The following CLINT1 variants were observed in gnomAD, a reference collection of about 807,000 sequenced individuals.
The protein encoded by CLINT1 is clathrin interacting protein localized in the trans-Golgi region.
In CLINT1, 15 loss-of-function variants were observed where a neutral mutation model predicts 70.4. The ratio of observed to expected loss-of-function variants is 0.21; its 90% confidence interval spans 0.14 to 0.33. The LOEUF is 0.33. Among genes scored for constraint, CLINT1 ranks in the 10% least tolerant of loss-of-function variants. The pLI is 1.00. For missense variants in CLINT1, 615 were observed against 778.1 expected, an observed-to-expected ratio of 0.79 and a Z score of 2.49; for synonymous variants, 227 against 254.7, an observed-to-expected ratio of 0.89 and a Z score of 1.04.
At chr5:157,796,645 C>A (rs1762075348) in intron 8 of CLINT1, among the ~76,000 whole-genome samples, 1 of 152,182 alleles carries the variant, frequency 6.6e-6, no homozygotes, top group African/African-American at 2.4e-5. Flanking sequence ...ACATCTGGTG[C>A]CATTTCTGAA....
intron 6 of CLINT1, among the ~76,000 whole-genome samples, chr5:157,807,314 A>T (rs900239704): frequency 6.6e-6 from 1 of 152,162 alleles, no homozygotes; most frequent in African/African-American, 2.4e-5. Context: ...TAACTTCTCA[A>T]CAACAAATGA....
chr5:157,853,547 C>T (rs1224042370), intron 1 of CLINT1, among the ~76,000 whole-genome samples: 1 of 151,796 alleles, frequency 6.6e-6, no homozygotes, highest in Non-Finnish European at 1.5e-5. Context: ...GAGTCTGAGG[C>T]AGGTGGATCA....
Position 157,791,761 on chromosome 5 carries a change from T to C in CLINT1, c.1322A>G (p.Asn441Ser). Reference protein sequence around the residue: ...QATMTSSQSMNFSMMSTNTVG... With the variant: ...QATMTSSQSMSFSMMSTNTVG... ...AGTGTTAGTGCTCATCATAGAGAAATTCATACTCTGGGAAGATGTCATGGT... is the reference window on the plus strand; with the variant it reads ...AGTGTTAGTGCTCATCATAGAGAAACTCATACTCTGGGAAGATGTCATGGT... Residue 441 changes from asparagine (N) to serine (S), a missense_variant, in exon 10 of 12, where the codon AAT becomes AGT. By Grantham distance (46) the Asn-to-Ser change is conservative. This residue lies in a region of CLINT1 where 374 missense variants were observed against 409.6 expected (regional missense o/e 0.91). Transcript: ENST00000411809. 6.2e-7 allele frequency: 1 copy of C among 1,613,980 alleles called. No homozygotes were observed. The highest frequency in any genetic ancestry group is 8.5e-7 in the Non-Finnish European group (1 of 1,179,872).
At chr5:157,806,817 T>G (rs987829270) in intron 6 of CLINT1, among the ~76,000 whole-genome samples, 3 of 152,168 alleles carry the variant, frequency 2.0e-5, no homozygotes, top group Non-Finnish European at 2.9e-5. Context: ...CATTCAACAA[T>G]TTTTTCTTTC....
chr5:157,794,319 A>G lies in CLINT1; in HGVS notation c.1087+579T>C, dbSNP rs547350354. ...AAAAAAAAATAGGCCTTTCACCTCA[A>G]TCCTTGATGTTTAAGCCCATATTCT... is the stretch of plus-strand genomic sequence containing the variant. On this transcript the variant is annotated intron_variant, in intron 9 of 11. Transcript: ENST00000411809. 7.2e-5 allele frequency among the ~76,000 whole-genome samples: 11 copies of G among 152,202 alleles called. No individual in the cohort carries two copies. The East Asian group carries it at 1.2e-3, about 16-fold the overall frequency.
At chr5:157,788,968 G>GAAAAAAAAAAAAA (rs58634730) in intron 11 of CLINT1, among the ~76,000 whole-genome samples, 207 of 95,470 alleles carry the variant, frequency 2.2e-3, no homozygotes, top group Non-Finnish European at 3.1e-3. Context: ...CTCCATCTCA[G>GAAAAAAAAAAAAA]AAAAAAAAAA....
chr5:157,788,968 G>GAAAAAAAAAAAAAAAAAAAAAAA (rs58634730), intron 11 of CLINT1, among the ~76,000 whole-genome samples: 2 of 95,578 alleles, frequency 2.1e-5, no homozygotes, highest in African/African-American at 3.5e-5. Context: ...CTCCATCTCA[G>GAAAAAAAAAAAAAAAAAAAAAAA]AAAAAAAAAA....
At chr5:157,809,855 AAGG>A (rs1762502095) in intron 5 of CLINT1, 50 bp from the exon 6 acceptor site, 1 of 1,543,290 alleles carries the variant, frequency 6.5e-7, no homozygotes, top group South Asian at 1.2e-5. Flanking sequence ...TTAAATTCAA[AAGG>A]TATCTACAAG....
At chr5:157,824,374 TC>T (rs1272725655) in intron 1 of CLINT1, among the ~76,000 whole-genome samples, 5 of 152,186 alleles carry the variant, frequency 3.3e-5, no homozygotes, top group Admixed American at 6.5e-5. Flanking sequence ...AGCCTACTAT[TC>T]CTAAATTCAA....
At chr5:157,801,421 C>T (rs951708013) in intron 8 of CLINT1, among the ~76,000 whole-genome samples, 1 of 151,886 alleles carries the variant, frequency 6.6e-6, no homozygotes. Flanking sequence ...GCAGGAGAAT[C>T]GCTTGAACCC....
Position 157,791,685 on chromosome 5 carries a change from G to A in CLINT1, c.1380+18C>T, listed in dbSNP as rs770080344. On this transcript the variant is annotated intron_variant, in intron 10 of 11. Transcript: ENST00000411809. ...AAAGATTATAAATAACAAATTCCAAGGGAACCAGACAACTTACCTGTGATC... is the reference window on the plus strand; with the variant it reads ...AAAGATTATAAATAACAAATTCCAAAGGAACCAGACAACTTACCTGTGATC... 5 of 1,585,680 alleles carry A rather than the reference G, an allele frequency of 3.2e-6. No homozygotes were observed. The highest frequency in any genetic ancestry group is 4.3e-6 in the Non-Finnish European group (5 of 1,166,744).
chr5:157,830,185 T>G (rs11952505), intron 1 of CLINT1, among the ~76,000 whole-genome samples: 2,253 of 152,128 alleles, frequency 0.015, 54 homozygotes, highest in African/African-American at 0.051. Context: ...TGGGCTCAAG[T>G]GATCCACCCA....
intron 1 of CLINT1, among the ~76,000 whole-genome samples, chr5:157,833,371 G>A (rs1763309305): frequency 6.6e-6 from 1 of 151,100 alleles, no homozygotes; most frequent in Non-Finnish European, 1.5e-5. Context: ...AAAGGAGGAA[G>A]TTCAAAATCC....
chr5:157,825,590 C>T (rs192378372), intron 1 of CLINT1, among the ~76,000 whole-genome samples: 1 of 152,206 alleles, frequency 6.6e-6, no homozygotes, highest in Admixed American at 6.5e-5. Context: ...TGCCTAAGTC[C>T]AAACTCTAGC....
At chr5:157,824,545 G>C (rs920845014) in intron 1 of CLINT1, among the ~76,000 whole-genome samples, 17 of 152,166 alleles carry the variant, frequency 1.1e-4, no homozygotes, top group African/African-American at 4.1e-4. Context: ...ACAATGCAAT[G>C]AAAAAGTCTT....
At chr5:157,812,165 G>A (rs1762584942) in intron 5 of CLINT1, among the ~76,000 whole-genome samples, 1 of 150,908 alleles carries the variant, frequency 6.6e-6, no homozygotes, top group African/African-American at 2.5e-5. Flanking sequence ...AGGAATAAAT[G>A]AGTAAGGATA....
chr5:157,832,404 T>C (rs534931025), intron 1 of CLINT1, among the ~76,000 whole-genome samples: 1 of 152,316 alleles, frequency 6.6e-6, no homozygotes, highest in Non-Finnish European at 1.5e-5. Flanking sequence ...CAGGGGCATA[T>C]CATAAAGCTG....
rs150242169 is a variant in CLINT1 at position 157,815,120 on chromosome 5, T to TACAC, written c.244-831_244-828dup. Among the ~76,000 whole-genome samples the TACAC allele has an allele frequency of 9.5e-3, 1,351 of 142,150 alleles. 20 individuals are homozygous for TACAC. The highest frequency in any genetic ancestry group is 0.028 in the African/African-American group (1,080 of 39,246). The allele number at this position is 142,150 out of a possible 152,430, so 93.3% of individuals were successfully genotyped here. On this transcript the variant is annotated intron_variant, in intron 3 of 11. Coordinates refer to ENST00000411809, the MANE Select transcript of CLINT1 (RefSeq NM_014666.4). The stretch of plus-strand genomic sequence containing the variant: ...TTTGCAAAATAGACATCTTCACACA[T>TACAC]ACACACACACACACACACACACACA...
chr5:157,788,889 ACTGGGAGGTGGAGG>A (rs1223311319), intron 11 of CLINT1, among the ~76,000 whole-genome samples: 1 of 151,490 alleles, frequency 6.6e-6, no homozygotes, highest in Non-Finnish European at 1.5e-5. Flanking sequence ...ATTGCTTAAA[ACTGGGAGGTGGAGG>A]CTGCAGTGAG....
Sources: gnomAD v4.1 joint callset for allele counts (sites outside exome capture counted in the v4.1 genomes callset) on GRCh38, gnomAD v4.1.1 for gene constraint, gnomAD v4.1.1 regional missense constraint, MANE v1.5 for transcripts, NCBI Gene and HGNC (gene_info 2026-07-23, HGNC 2026-07-21) for gene names.